The following MMP26 variants were observed in gnomAD, a reference collection of about 807,000 sequenced individuals.
MMP26 encodes the protein matrix metallopeptidase 26, also known as matrix metalloproteinase-26.
In MMP26, 33 loss-of-function variants were observed where a neutral mutation model predicts 31.0. The ratio of observed to expected loss-of-function variants is 1.06; its 90% CI spans 0.81 to 1.42. MMP26 has a LOEUF of 1.42. Ranked by LOEUF, MMP26 falls within the 40% of genes most tolerant of loss-of-function variation. MMP26 has a pLI of 0.00. For synonymous variants in MMP26, 122 were observed against 114.9 expected, an observed-to-expected ratio of 1.06 and a Z score of -0.40; for missense variants, 347 against 316.1, an observed-to-expected ratio of 1.10 and a Z score of -0.74.
chr11:4,939,035 G>A (rs1239695226), intron 2 of MMP26, among the ~76,000 whole-genome samples: 1 of 152,042 alleles, frequency 6.6e-6, no homozygotes, highest in East Asian at 1.9e-4. Flanking sequence ...CTTGAATTGA[G>A]TTGATATATG....
chr11:4,905,825 T>C (rs926540970), intron 2 of MMP26, among the ~76,000 whole-genome samples: 25 of 152,170 alleles, frequency 1.6e-4, no homozygotes, highest in Admixed American at 6.5e-4. Flanking sequence ...CAAGATTGCA[T>C]ATTTTACTTC....
At chr11:4,768,118 TG>T (rs1187396758) in intron 2 of MMP26, among the ~76,000 whole-genome samples, 3 of 152,288 alleles carry the variant, frequency 2.0e-5, no homozygotes, top group Non-Finnish European at 2.9e-5. Flanking sequence ...TGTTTATCTA[TG>T]GGGAAAGGTC....
intron 2 of MMP26, among the ~76,000 whole-genome samples, chr11:4,916,597 C>T (rs931635143): frequency 6.6e-6 from 1 of 152,120 alleles, no homozygotes; most frequent in Admixed American, 6.5e-5. Flanking sequence ...GACAGACCAA[C>T]CCTTCACTCA....
intron 2 of MMP26, among the ~76,000 whole-genome samples, chr11:4,981,856 C>G (rs1222862865): frequency 6.6e-6 from 1 of 150,856 alleles, no homozygotes; most frequent in Non-Finnish European, 1.5e-5. Flanking sequence ...TTGTTAGAAA[C>G]TAATACATAA....
intron 2 of MMP26, among the ~76,000 whole-genome samples, chr11:4,806,923 A>T (rs1175757515): frequency 6.6e-6 from 1 of 152,024 alleles, no homozygotes; most frequent in African/African-American, 2.4e-5. Flanking sequence ...TTGCCCCTGT[A>T]TATCACCCTC....
At chr11:4,780,630 G>C (rs1418189063) in intron 2 of MMP26, among the ~76,000 whole-genome samples, 1 of 152,076 alleles carries the variant, frequency 6.6e-6, no homozygotes, top group African/African-American at 2.4e-5. Context: ...GGAAATGAAA[G>C]ATGTCACTTT....
rs1468528735 is a variant in MMP26, at chr11:4,890,190, A to T, written c.-144-97878A>T. The T allele has an allele frequency of 4.6e-5, 7 of 152,792 alleles. 1 individual carries two copies. The highest frequency in any genetic ancestry group is 1.7e-4 in the African/African-American group (7 of 41,550). The allele number at this position is 152,792 out of a possible 1,614,324, so 9.5% of individuals were successfully genotyped here. A position where few individuals can be genotyped will look rare whatever the true frequency, so the allele number is the denominator to read the frequency against. On this transcript the variant is annotated intron_variant, in intron 2 of 7. Coordinates refer to ENST00000380390, the MANE Select transcript of MMP26 (RefSeq NM_021801.5). The stretch of plus-strand genomic sequence containing the variant: ...TGAGGATACAGCTCACCAGTACCTC[A>T]GATATGTACCTCAGAGGGTGGCATA...
chr11:4,883,667 G>A (rs2133541204), intron 2 of MMP26, among the ~76,000 whole-genome samples: 1 of 152,118 alleles, frequency 6.6e-6, no homozygotes, highest in East Asian at 1.9e-4. Context: ...TGTTTCTTGG[G>A]TTGTTAATTT....
At chr11:4,906,050 T>C (rs1484223640) in intron 2 of MMP26, among the ~76,000 whole-genome samples, 2 of 152,170 alleles carry the variant, frequency 1.3e-5, no homozygotes, top group African/African-American at 2.4e-5. Context: ...CCAATCAAGA[T>C]GGATAAGATT....
intron 2 of MMP26, among the ~76,000 whole-genome samples, chr11:4,781,533 G>A (rs1217800965): frequency 6.1e-5 from 3 of 49,132 alleles, no homozygotes; most frequent in Non-Finnish European, 6.3e-5. Context: ...CGGCCTGGGC[G>A]ACAGAGCGAG....
intron 2 of MMP26, among the ~76,000 whole-genome samples, chr11:4,834,061 C>A (rs1849683567): frequency 6.6e-6 from 1 of 152,116 alleles, no homozygotes. Flanking sequence ...GAGGTAGCAT[C>A]CTGAAGCCAG....
intron 2 of MMP26, among the ~76,000 whole-genome samples, chr11:4,967,676 T>A (rs1156613560): frequency 6.6e-6 from 1 of 152,188 alleles, no homozygotes; most frequent in East Asian, 1.9e-4. Context: ...TGATTCTAAG[T>A]ACATCATTCT....
chr11:4,852,471 A>G (rs1849988688), intron 2 of MMP26, among the ~76,000 whole-genome samples: 1 of 152,160 alleles, frequency 6.6e-6, no homozygotes, highest in Admixed American at 6.5e-5. Context: ...AATTTTTAAA[A>G]TATTCATATC....
At chr11:4,868,654 A>G (rs534942770) in intron 2 of MMP26, among the ~76,000 whole-genome samples, 30 of 152,300 alleles carry the variant, frequency 2.0e-4, no homozygotes, top group Non-Finnish European at 2.9e-4. Flanking sequence ...AACGTAATTT[A>G]CAGATTCAAT....
intron 2 of MMP26, chr11:4,804,465 A>C: frequency 9.3e-7 from 1 of 1,078,908 alleles, no homozygotes; most frequent in Non-Finnish European, 1.4e-6. Flanking sequence ...TATTATATAC[A>C]AGGCTTTTGG....
At chr11:4,930,816 A>G (rs1049356427) in intron 2 of MMP26, among the ~76,000 whole-genome samples, 2 of 152,048 alleles carry the variant, frequency 1.3e-5, no homozygotes, top group Non-Finnish European at 2.9e-5. Flanking sequence ...GTTAACAAAT[A>G]TACTAAAACC....
intron 2 of MMP26, among the ~76,000 whole-genome samples, chr11:4,793,225 C>T (rs1002508388): frequency 3.3e-5 from 5 of 152,132 alleles, no homozygotes; most frequent in African/African-American, 1.2e-4. Context: ...TGATGTCTCC[C>T]CTGTAATTTC....
intron 2 of MMP26, chr11:4,769,573 T>C: frequency 1.9e-6 from 3 of 1,613,202 alleles, no homozygotes; most frequent in African/African-American, 1.3e-5. Flanking sequence ...CCACCAGCAC[T>C]CCAGATTCCA....
chr11:4,716,724 C>T (rs993307332), intron 1 of MMP26, among the ~76,000 whole-genome samples: 13 of 121,310 alleles, frequency 1.1e-4, no homozygotes, highest in South Asian at 2.8e-4. Flanking sequence ...TGCAATGGTG[C>T]GATCTCAGCT....
Sources: allele counts gnomAD v4.1 joint callset (sites outside exome capture counted in the v4.1 genomes callset), GRCh38; gene constraint gnomAD v4.1.1; transcripts MANE v1.5; gene names NCBI Gene and HGNC (gene_info 2026-07-23, HGNC 2026-07-21).